C16orf74: variants seen among roughly 807,000 people sequenced by gnomAD.
The protein encoded by C16orf74 is uncharacterized protein C16orf74.
A neutral mutation model predicts 6.5 loss-of-function variants in C16orf74; 10 were observed. The ratio of observed to expected loss-of-function variants is 1.54; its 90% CI spans 0.95 to 2.61. The LOEUF (loss-of-function observed/expected upper bound fraction) is 2.61. C16orf74 is among the 30% of genes most tolerant of loss of function. C16orf74 has a pLI of 0.00. For synonymous variants in C16orf74, 60 were observed against 42.5 expected, an observed-to-expected ratio of 1.41 and a Z score of -1.60; for missense variants, 141 against 105.9, an observed-to-expected ratio of 1.33 and a Z score of -1.45.
chr16:85,741,028 A>T (rs1240774266), intron 1 of C16orf74, among the ~76,000 whole-genome samples: 1 of 152,108 alleles, frequency 6.6e-6, no homozygotes. Context: ...TCATATTCTC[A>T]CAACTCTTCT....
At chr16:85,730,097 C>A (rs2054172638) in intron 2 of C16orf74, among the ~76,000 whole-genome samples, 1 of 152,224 alleles carries the variant, frequency 6.6e-6, no homozygotes, top group East Asian at 1.9e-4. Context: ...CCTCAGAGCC[C>A]CTGGGGGAGC....
intron 2 of C16orf74, among the ~76,000 whole-genome samples, chr16:85,712,740 C>T (rs1399394279): frequency 6.6e-6 from 1 of 152,218 alleles, no homozygotes; most frequent in Admixed American, 6.5e-5. Flanking sequence ...CTCTCTGGGC[C>T]CTTTGTGCAG....
At chr16:85,732,578 A>C (rs1186973312) in intron 2 of C16orf74, among the ~76,000 whole-genome samples, 1 of 140,524 alleles carries the variant, frequency 7.1e-6, no homozygotes, top group Non-Finnish European at 1.5e-5. Flanking sequence ...AGGCAGGAGA[A>C]TTGCTTGAAC....
chr16:85,731,387 G>A (rs900523120), intron 2 of C16orf74, among the ~76,000 whole-genome samples: 6 of 152,332 alleles, frequency 3.9e-5, no homozygotes, highest in Middle Eastern at 3.4e-3. Context: ...ATCGTTAAGG[G>A]GCAGAGCTGG....
chr16:85,742,208 A>G (rs573545131), intron 1 of C16orf74, among the ~76,000 whole-genome samples: 5 of 152,144 alleles, frequency 3.3e-5, no homozygotes, highest in Non-Finnish European at 5.9e-5. Context: ...CCCCGTCTCT[A>G]CTAAAAGTAC....
At chr16:85,711,885 T>C (rs538875930) in intron 2 of C16orf74, among the ~76,000 whole-genome samples, 1 of 152,310 alleles carries the variant, frequency 6.6e-6, no homozygotes, top group East Asian at 1.9e-4. Flanking sequence ...GTGACCACTG[T>C]AGGGTCAGTG....
intron 2 of C16orf74, among the ~76,000 whole-genome samples, chr16:85,733,633 A>C (rs1041030483): frequency 2.6e-5 from 4 of 152,130 alleles, no homozygotes; most frequent in African/African-American, 9.7e-5. Flanking sequence ...TGTCTAAGGG[A>C]AGAAAGTCCT....
intron 2 of C16orf74, among the ~76,000 whole-genome samples, chr16:85,732,269 C>A (rs188641140): frequency 6.6e-6 from 1 of 152,208 alleles, no homozygotes; most frequent in Non-Finnish European, 1.5e-5. Flanking sequence ...AGAATAAATT[C>A]CTCTTTTAAG....
intron 2 of C16orf74, among the ~76,000 whole-genome samples, chr16:85,730,407 C>T (rs1034906183): frequency 7.2e-5 from 11 of 152,046 alleles, no homozygotes; most frequent in Admixed American, 1.3e-4. Context: ...AGGTGCCTCC[C>T]GGCTCAGAAA....
Position 85,710,249 on chromosome 16 carries a change from G to A in C16orf74, c.87C>T (p.Asn29=), listed in dbSNP as rs555442564. 4.0e-6 allele frequency: 6 copies of A among 1,499,530 alleles called. No homozygotes were observed. The highest frequency in any genetic ancestry group is 2.7e-5 in the South Asian group (2 of 72,944). The allele number at this position is 1,499,530 out of a possible 1,614,324, so 92.9% of individuals were successfully genotyped here. A position where few individuals can be genotyped will look rare whatever the true frequency, so the allele number is the denominator to read the frequency against. The part of the protein sequence containing the change: ...SSSHDEAPVL[N]DKHLDVPDII... ...TGTCGGGCACGTCCAGGTGCTTGTC[G>A]TTCAGGACGGGGGCCTCGTCGTGGC... Residue 29 remains asparagine (N), a synonymous_variant, in exon 3 of 4, where the codon AAC becomes AAT. Transcript: ENST00000284245.
In C16orf74 at chr16:85,740,211, C is replaced by CAA. The variant is rs1314457386; in HGVS notation, c.-18-4978_-18-4977dup. Among the ~76,000 whole-genome samples, 106 of 60,204 alleles carry CAA rather than the reference C, an allele frequency of 1.8e-3. 5 individuals carry two copies. Among genetic ancestry groups the CAA allele is most frequent in the South Asian group, 2.8e-3 (4 of 1,444 alleles). The allele number at this position is 60,204 out of a possible 152,430, so 39.5% of individuals were successfully genotyped here. A position where few individuals can be genotyped will look rare whatever the true frequency, so the allele number is the denominator to read the frequency against. Reference sequence around the variant, plus strand: ...GGGCGACAAGAACGAGACTTTGTCTCAAAAAAAAAAAAAAAAAAAGAAAAA... The same window carrying CAA: ...GGGCGACAAGAACGAGACTTTGTCTCAAAAAAAAAAAAAAAAAAAAAGAAAAA... On this transcript the variant is annotated intron_variant, in intron 1 of 3. Coordinates refer to ENST00000284245, the MANE Select transcript of C16orf74 (RefSeq NM_206967.3).
At chr16:85,750,304 G>A (rs1260361135) in intron 1 of C16orf74, among the ~76,000 whole-genome samples, 1 of 152,154 alleles carries the variant, frequency 6.6e-6, no homozygotes, top group East Asian at 1.9e-4. Context: ...CTCAGACCCC[G>A]CCCTCCGCCT....
intron 2 of C16orf74, 116 bp downstream of exon 2, chr16:85,735,074 G>A: frequency 1.2e-6 from 1 of 816,242 alleles, no homozygotes; most frequent in Non-Finnish European, 1.9e-6. Context: ...CTGCTTTAAG[G>A]GATGGTGCCC....
chr16:85,745,591 C>T (rs2054364827), intron 1 of C16orf74, among the ~76,000 whole-genome samples: 3 of 150,926 alleles, frequency 2.0e-5, no homozygotes, highest in South Asian at 4.2e-4. Context: ...GAGAATCTCC[C>T]GCTGGCTGAG....
chr16:85,739,993 T>A (rs2054285572), intron 1 of C16orf74, among the ~76,000 whole-genome samples: 1 of 150,466 alleles, frequency 6.6e-6, no homozygotes, highest in Non-Finnish European at 1.5e-5. Context: ...GTGGATCGCC[T>A]GAGGTCAGGA....
intron 1 of C16orf74, among the ~76,000 whole-genome samples, chr16:85,749,177 T>C (rs986220336): frequency 1.3e-5 from 2 of 152,138 alleles, no homozygotes; most frequent in African/African-American, 4.8e-5. Flanking sequence ...AGCAATTCAG[T>C]ACCACGGCTC....
intron 2 of C16orf74, among the ~76,000 whole-genome samples, chr16:85,731,608 C>T (rs1029974986): frequency 2.0e-5 from 3 of 152,144 alleles, no homozygotes; most frequent in East Asian, 3.9e-4. Context: ...CAGGGCTGAA[C>T]GGTGCCCGCT....
At chr16:85,742,771 C>A (rs2152066088) in intron 1 of C16orf74, among the ~76,000 whole-genome samples, 1 of 152,250 alleles carries the variant, frequency 6.6e-6, no homozygotes. Flanking sequence ...GAACTCCCAA[C>A]CTCAGGTGAT....
chr16:85,749,738 C>T (rs1396394416), intron 1 of C16orf74, among the ~76,000 whole-genome samples: 1 of 152,258 alleles, frequency 6.6e-6, no homozygotes, highest in Non-Finnish European at 1.5e-5. Flanking sequence ...GGCACGCTCC[C>T]ATTTCAAGTC....
Sources: allele counts gnomAD v4.1 joint callset (sites outside exome capture counted in the v4.1 genomes callset), GRCh38; gene constraint gnomAD v4.1.1; transcripts MANE v1.5; gene names NCBI Gene and HGNC (gene_info 2026-07-23, HGNC 2026-07-21).